Variants in LAPTM4B observed in about 807,000 individuals in gnomAD.
LAPTM4B encodes lysosomal-associated transmembrane protein 4B.
Under a neutral mutation model 28.5 loss-of-function variants are expected in LAPTM4B, and 26 were observed. The ratio of observed to expected loss-of-function variants is 0.91; its 90% CI spans 0.67 to 1.27. The LOEUF (loss-of-function observed/expected upper bound fraction) is 1.27, where lower values mean the gene tolerates loss of function less well. LAPTM4B is among the 50% of genes most tolerant of loss of function. The pLI is 0.00. For missense variants in LAPTM4B, 288 were observed against 285.8 expected (o/e 1.01, Z -0.06); for synonymous variants, 109 against 106.4 (o/e 1.02, Z -0.15).
chr8:97,836,946 A>AT (rs1554593218), intron 6 of LAPTM4B, among the ~76,000 whole-genome samples: 245 of 151,368 alleles, frequency 1.6e-3, no homozygotes, highest in African/African-American at 4.4e-3. Flanking sequence ...GAGAAAAAAA[A>AT]ATATATATAT....
At chr8:97,847,533 T>A (rs1817451334) in intron 6 of LAPTM4B, among the ~76,000 whole-genome samples, 1 of 152,266 alleles carries the variant, frequency 6.6e-6, no homozygotes, top group Admixed American at 6.5e-5. Context: ...GTCACCAGTT[T>A]TGTTCTATGG....
At chr8:97,826,299 C>G (rs1817090219) in intron 6 of LAPTM4B, among the ~76,000 whole-genome samples, 1 of 152,150 alleles carries the variant, frequency 6.6e-6, no homozygotes, top group Non-Finnish European at 1.5e-5. Context: ...ATGCACAAAA[C>G]CTGGCATACC....
Position 97,844,460 on chromosome 8 carries a change from G to A in LAPTM4B, c.604-6937G>A, listed in dbSNP as rs1454815841. Among the ~76,000 whole-genome samples the A allele has an allele frequency of 2.0e-5, 3 of 152,256 alleles. No individual in the cohort carries two copies. The East Asian group carries it at 5.8e-4, about 29-fold the overall frequency. On this transcript the variant is annotated intron_variant, in intron 6 of 6. Transcript: ENST00000521545. ...GAAGTTCAGCAGTGAGCTCATGCTT[G>A]TGGAATTCATTGGTGTTAACATGTT...
intron 6 of LAPTM4B, among the ~76,000 whole-genome samples, chr8:97,836,508 T>G (rs1817261332): frequency 6.6e-6 from 1 of 152,174 alleles, no homozygotes; most frequent in Non-Finnish European, 1.5e-5. Context: ...AAAGTATTTC[T>G]TAAACCTATG....
chr8:97,775,962 A>G lies in LAPTM4B; in HGVS notation c.-48A>G. On this transcript the variant is annotated 5_prime_UTR_variant, in exon 1 of 7. Coordinates refer to ENST00000521545, the MANE Select transcript of LAPTM4B (RefSeq NM_018407.6). ...CGGCGGGCTCCAGGCGAGGCGGTCG[A>G]CGCTCCTGAAAACTTGCGCGCGCGC... 1 of 1,484,636 alleles carries G rather than the reference A, an allele frequency of 6.7e-7. No homozygotes were observed. The highest frequency in any genetic ancestry group is 8.9e-7 in the Non-Finnish European group (1 of 1,118,438). 92.0% of individuals were successfully genotyped at this position (1,484,636 alleles called of 1,614,324 possible). A position where few individuals can be genotyped will look rare whatever the true frequency, so the allele number is the denominator to read the frequency against.
intron 6 of LAPTM4B, among the ~76,000 whole-genome samples, chr8:97,840,167 C>T (rs1395199426): frequency 6.6e-6 from 1 of 152,234 alleles, no homozygotes; most frequent in African/African-American, 2.4e-5. Context: ...CTGCTTATTT[C>T]ATTTCCTCAA....
At chr8:97,794,239 CA>C (rs1390375962) in intron 1 of LAPTM4B, among the ~76,000 whole-genome samples, 1 of 152,150 alleles carries the variant, frequency 6.6e-6, no homozygotes, top group African/African-American at 2.4e-5. Context: ...CTTGGCCTCC[CA>C]AAGTGGTGGG....
At chr8:97,789,565 T>C (rs1816466674) in intron 1 of LAPTM4B, among the ~76,000 whole-genome samples, 1 of 151,700 alleles carries the variant, frequency 6.6e-6, no homozygotes, top group Non-Finnish European at 1.5e-5. Flanking sequence ...TTTGGTCTTA[T>C]TGTCCAGGCT....
rs1002407063 is a variant in LAPTM4B at position 97,851,473 on chromosome 8, A to G, written c.680A>G (p.Ter227=). The G allele has an allele frequency of 1.6e-5, 26 of 1,612,960 alleles. No homozygotes were observed. The highest frequency in any genetic ancestry group is 2.2e-5 in the Non-Finnish European group (26 of 1,179,022). ...KEPPPPYVSA[*] is the part of the protein sequence containing the mutation. ...CCACCGCCACCTTACGTGTCTGCCT[A>G]AGCCTTCAAGTGGGCGGAGCTGAGG... The change falls in exon 7 of 7, where the codon TAA becomes TGA. Residue 227 remains the stop codon, a stop_retained_variant. Transcript: ENST00000521545.
chr8:97,815,741 A>G (rs1816901663), intron 3 of LAPTM4B, among the ~76,000 whole-genome samples: 1 of 151,778 alleles, frequency 6.6e-6, no homozygotes, highest in Admixed American at 6.6e-5. Flanking sequence ...TGATTTTTGT[A>G]TTTTTTAGTA....
At position 97,819,188 on chromosome 8, in the gene LAPTM4B, T is replaced by G. The variant is rs779249902; in HGVS notation, c.457T>G (p.Cys153Gly). Reference protein sequence around the residue: ...RDDVMSVNPTCLVLIILLFIS... With the variant: ...RDDVMSVNPTGLVLIILLFIS... The stretch of plus-strand genomic sequence containing the variant: ...TGATGTCATGTCAGTGAATCCTACC[T>G]GTTTGGTCCTTATTATTCTTCTGTT... The change falls in exon 5 of 7, where the codon TGT (cysteine) becomes GGT (glycine). Residue 153 changes from cysteine (C) to glycine (G), a missense_variant. Coordinates refer to ENST00000521545, the MANE Select transcript of LAPTM4B (RefSeq NM_018407.6). 6.2e-7 allele frequency: 1 copy of G among 1,610,844 alleles called. No individual in the cohort carries two copies. The highest frequency in any genetic ancestry group is 8.5e-7 in the Non-Finnish European group (1 of 1,178,272).
intron 1 of LAPTM4B, among the ~76,000 whole-genome samples, chr8:97,802,905 A>G (rs1816708351): frequency 6.6e-6 from 1 of 152,128 alleles, no homozygotes; most frequent in African/African-American, 2.4e-5. Context: ...TACAGGAAGA[A>G]AAAAAGTTAT....
intron 1 of LAPTM4B, among the ~76,000 whole-genome samples, chr8:97,799,935 C>G (rs1816645596): frequency 6.6e-6 from 1 of 152,126 alleles, no homozygotes; most frequent in Non-Finnish European, 1.5e-5. Flanking sequence ...TTTTCCACAC[C>G]TCTCAGGCTC....
rs755284433 is a variant in LAPTM4B, at chr8:97,825,047, C to G, written c.508-11C>G. 27 of 1,455,914 alleles carry G rather than the reference C, an allele frequency of 1.9e-5. No individual in the cohort carries two copies. Among genetic ancestry groups the G allele is most frequent in the Non-Finnish European group, 2.5e-5 (26 of 1,038,326 alleles). The allele number at this position is 1,455,914 out of a possible 1,614,324, so 90.2% of individuals were successfully genotyped here. The stretch of plus-strand genomic sequence containing the variant: ...AAAATTAAAAATCTGATAATCACTC[C>G]TCATTTTCAGGGTTACTTGATTAGC... On this transcript the variant is annotated splice_polypyrimidine_tract_variant and intron_variant, in intron 5 of 6. Coordinates refer to ENST00000521545, the MANE Select transcript of LAPTM4B (RefSeq NM_018407.6).
intron 1 of LAPTM4B, among the ~76,000 whole-genome samples, chr8:97,778,348 C>T (rs1317059126): frequency 1.3e-5 from 2 of 150,400 alleles, no homozygotes; most frequent in Non-Finnish European, 3.0e-5. Flanking sequence ...TCACTCAGAC[C>T]TTTGAATATA....
intron 1 of LAPTM4B, among the ~76,000 whole-genome samples, chr8:97,791,874 C>T (rs1175661234): frequency 1.3e-5 from 2 of 152,116 alleles, no homozygotes; most frequent in Admixed American, 1.3e-4. Flanking sequence ...GGAGGCAGCA[C>T]TGTTTTTATA....
At chr8:97,829,579 CAG>C (rs1817147916) in intron 6 of LAPTM4B, among the ~76,000 whole-genome samples, 1 of 151,924 alleles carries the variant, frequency 6.6e-6, no homozygotes, top group Non-Finnish European at 1.5e-5. Context: ...TGTCCAAGAA[CAG>C]GGGGTGTGGA....
intron 2 of LAPTM4B, among the ~76,000 whole-genome samples, chr8:97,814,078 G>T (rs957699320): frequency 1.3e-5 from 2 of 152,310 alleles, no homozygotes; most frequent in Non-Finnish European, 2.9e-5. Flanking sequence ...TTGTCCGGGT[G>T]CGGTGACTTA....
rs1006244762 is a variant in LAPTM4B, at chr8:97,837,765, A to C, written c.603+12612A>C. Among the ~76,000 whole-genome samples, 4 of 149,508 alleles carry C rather than the reference A, an allele frequency of 2.7e-5. No individual in the cohort carries two copies. In the South Asian group the frequency reaches 6.5e-4, roughly 24 times the overall value. On this transcript the variant is annotated intron_variant, in intron 6 of 6. Transcript: ENST00000521545. ...AGGGCCCAGGGGACGGTGAGGGTAGAAGGGGAGAGAAAGAAGATTCTTCAG... is the reference window on the plus strand; with the variant it reads ...AGGGCCCAGGGGACGGTGAGGGTAGCAGGGGAGAGAAAGAAGATTCTTCAG...
Sources: allele counts gnomAD v4.1 joint callset (sites outside exome capture counted in the v4.1 genomes callset), GRCh38; gene constraint gnomAD v4.1.1; transcripts MANE v1.5; gene names NCBI Gene and HGNC (gene_info 2026-07-23, HGNC 2026-07-21).